STK39: variants seen among roughly 807,000 people sequenced by gnomAD.
STK39 encodes the protein STE20/SPS1-related proline-alanine-rich protein kinase.
A neutral mutation model predicts 77.8 loss-of-function variants in STK39; 20 were observed. That is an observed-to-expected ratio of 0.26 (90% CI 0.18 to 0.37). The LOEUF is 0.37. Among genes scored for constraint, STK39 ranks in the 10% least tolerant of loss-of-function variants. The probability of loss-of-function intolerance (pLI) is 1.00; values close to 1 mark genes in which losing one functional copy is unlikely to be tolerated. For missense variants in STK39, 479 were observed against 656.5 expected, an observed-to-expected ratio of 0.73 and a Z score of 2.95; for synonymous variants, 246 against 234.1, an observed-to-expected ratio of 1.05 and a Z score of -0.47.
intron 10 of STK39, among the ~76,000 whole-genome samples, chr2:168,108,473 G>A (rs1275932694): frequency 2.6e-5 from 4 of 152,040 alleles, no homozygotes; most frequent in Non-Finnish European, 5.9e-5. Flanking sequence ...ACTTGAGACT[G>A]GGAGGTCAAG....
chr2:168,234,655 T>G (rs932032036), intron 1 of STK39, among the ~76,000 whole-genome samples: 13 of 152,218 alleles, frequency 8.5e-5, no homozygotes, highest in African/African-American at 3.1e-4. Flanking sequence ...CATAATCTAC[T>G]GTAATAGACC....
In STK39 at chr2:168,164,319, G is replaced by T. The variant is rs1024716877; in HGVS notation, c.431-439C>A. On this transcript the variant is annotated intron_variant, in intron 3 of 17. Transcript: ENST00000355999. ...TGAGGACCTAAATCACAGGTGGGAGGGGGAAAGAAGTATGTTGTTTCTAGA... is the reference window on the plus strand; with the variant it reads ...TGAGGACCTAAATCACAGGTGGGAGTGGGAAAGAAGTATGTTGTTTCTAGA... Among the ~76,000 whole-genome samples the T allele has an allele frequency of 6.6e-5, 10 of 152,148 alleles. No individual in the cohort carries two copies. The East Asian group carries it at 1.9e-3, about 29-fold the overall frequency.
At chr2:168,005,407 C>G (rs569864148) in intron 16 of STK39, among the ~76,000 whole-genome samples, 1 of 133,616 alleles carries the variant, frequency 7.5e-6, no homozygotes, top group Admixed American at 7.3e-5. Context: ...CGTGGGAAAA[C>G]GCAGAGAGGA....
intron 16 of STK39, among the ~76,000 whole-genome samples, chr2:167,980,347 T>C (rs1041301774): frequency 6.6e-6 from 1 of 152,214 alleles, no homozygotes; most frequent in South Asian, 2.1e-4. Flanking sequence ...CAGGATCAAC[T>C]TTTTCGTACC....
intron 10 of STK39, among the ~76,000 whole-genome samples, chr2:168,081,012 A>G (rs1448444898): frequency 6.6e-6 from 1 of 152,182 alleles, no homozygotes; most frequent in Non-Finnish European, 1.5e-5. Flanking sequence ...CAAGGCAGCA[A>G]TTTGCTGCAG....
At chr2:167,997,759 C>A (rs1251411031) in intron 16 of STK39, among the ~76,000 whole-genome samples, 1 of 152,144 alleles carries the variant, frequency 6.6e-6, no homozygotes, top group Non-Finnish European at 1.5e-5. Flanking sequence ...TCAAAAGAGA[C>A]ACATAAAAAC....
At chr2:168,009,027 C>G (rs1684203224) in intron 16 of STK39, among the ~76,000 whole-genome samples, 1 of 152,108 alleles carries the variant, frequency 6.6e-6, no homozygotes, top group Non-Finnish European at 1.5e-5. Flanking sequence ...TCCCCAGGTA[C>G]AGCTTTGAAA....
chr2:167,985,966 C>T (rs940393939), intron 16 of STK39, among the ~76,000 whole-genome samples: 2 of 152,144 alleles, frequency 1.3e-5, no homozygotes, highest in Non-Finnish European at 2.9e-5. Context: ...AAAGGAAATT[C>T]CGAATATGCC....
In STK39 at chr2:168,208,883, G is replaced by GACTT. The variant is rs576094832; in HGVS notation, c.209-26797_209-26794dup. 1.6e-3 allele frequency among the ~76,000 whole-genome samples: 249 copies of GACTT among 152,320 alleles called. 1 individual carries two copies. Among genetic ancestry groups the GACTT allele is most frequent in the African/African-American group, 5.7e-3 (238 of 41,568 alleles). ...CTGAGTTGCTGCAGGAAGGACAGCT[G>GACTT]ACTTAAGATATCTCCCACAGTCACA... On this transcript the variant is annotated intron_variant, in intron 1 of 17. Transcript: ENST00000355999.
intron 16 of STK39, among the ~76,000 whole-genome samples, chr2:168,010,873 C>T (rs547383008): frequency 1.5e-4 from 23 of 152,226 alleles, no homozygotes; most frequent in Non-Finnish European, 3.1e-4. Context: ...TAATGATTTA[C>T]ATTCCAAAGT....
At chr2:168,093,367 G>A (rs1216135720) in intron 10 of STK39, among the ~76,000 whole-genome samples, 5 of 152,196 alleles carry the variant, frequency 3.3e-5, no homozygotes, top group African/African-American at 4.8e-5. Context: ...GGCAGAAGGC[G>A]TGGGAGGAGC....
At chr2:168,238,666 A>G (rs56229069) in intron 1 of STK39, among the ~76,000 whole-genome samples, 2,703 of 152,350 alleles carry the variant, frequency 0.018, 97 homozygotes, top group African/African-American at 0.062. Context: ...ATTTACTCAC[A>G]TCGGATTCCA....
At chr2:168,043,619 G>T (rs1685165155) in intron 14 of STK39, among the ~76,000 whole-genome samples, 1 of 152,220 alleles carries the variant, frequency 6.6e-6, no homozygotes, top group African/African-American at 2.4e-5. Flanking sequence ...TAACTCAGAA[G>T]TACAACACAG....
At chr2:168,146,026 A>AG (rs1162397622) in intron 5 of STK39, among the ~76,000 whole-genome samples, 29 of 152,182 alleles carry the variant, frequency 1.9e-4, no homozygotes, top group African/African-American at 7.0e-4. Context: ...GAACAGAATA[A>AG]AACAATCCAG....
intron 1 of STK39, among the ~76,000 whole-genome samples, chr2:168,201,958 A>G (rs111675177): frequency 2.6e-5 from 4 of 152,238 alleles, no homozygotes; most frequent in South Asian, 2.1e-4. Context: ...TCCTGCTTGA[A>G]AGAGCTCTGA....
rs113786569 is a variant in STK39 at position 168,008,976 on chromosome 2, G to A, written c.1498+3658C>T. 2.3e-3 allele frequency among the ~76,000 whole-genome samples: 347 copies of A among 152,230 alleles called. 1 individual carries two copies. Among genetic ancestry groups the A allele is most frequent in the African/African-American group, 7.9e-3 (328 of 41,528 alleles). ...TTCTTTCTCCCCTCACTCCAGCCAC[G>A]CCTACCTGTGCATCTGCCACTCCTT... is the stretch of plus-strand genomic sequence containing the variant. On this transcript the variant is annotated intron_variant, in intron 16 of 17. Transcript: ENST00000355999.
intron 10 of STK39, among the ~76,000 whole-genome samples, chr2:168,115,427 T>C (rs1441888849): frequency 1.3e-5 from 2 of 152,200 alleles, no homozygotes; most frequent in Non-Finnish European, 2.9e-5. Context: ...ATAAACCATA[T>C]ACTCTTTGAC....
intron 17 of STK39, chr2:167,964,316 TTTA>T: frequency 5.0e-6 from 1 of 201,164 alleles, no homozygotes; most frequent in East Asian, 1.6e-4. Context: ...TTAGGAAAGC[TTTA>T]TTAAGAGTGT....
intron 1 of STK39, among the ~76,000 whole-genome samples, chr2:168,240,679 T>A (rs575797959): frequency 1.3e-5 from 2 of 151,992 alleles, no homozygotes; most frequent in East Asian, 3.9e-4. Flanking sequence ...AGACAATGAG[T>A]TTAACTGTAT....
Sources: gnomAD v4.1 joint callset for allele counts (sites outside exome capture counted in the v4.1 genomes callset) on GRCh38, gnomAD v4.1.1 for gene constraint, MANE v1.5 for transcripts, NCBI Gene and HGNC (gene_info 2026-07-23, HGNC 2026-07-21) for gene names.